Variants in SYCP2L observed in about 807,000 individuals in gnomAD.
SYCP2L encodes the protein synaptonemal complex protein 2 like.
A neutral mutation model predicts 125.8 loss-of-function variants in SYCP2L; 98 were observed. The ratio of observed to expected loss-of-function variants is 0.78; its 90% CI spans 0.66 to 0.92. The LOEUF is 0.92. Among genes scored for constraint, SYCP2L ranks in the 40% least tolerant of loss-of-function variants. The probability of loss-of-function intolerance (pLI) is 0.00; values close to 1 mark genes in which losing one functional copy is unlikely to be tolerated. For synonymous variants in SYCP2L, 317 were observed against 325.4 expected, an observed-to-expected ratio of 0.97 and a Z score of 0.28; for missense variants, 842 against 936.4, an observed-to-expected ratio of 0.90 and a Z score of 1.32.
chr6:10,923,257 ATTC>A (rs1252277909), intron 14 of SYCP2L, among the ~76,000 whole-genome samples: 1 of 151,380 alleles, frequency 6.6e-6, no homozygotes, highest in Non-Finnish European at 1.5e-5. Flanking sequence ...AATGTGGTGT[ATTC>A]TTGGCCTCTT....
At chr6:10,960,728 C>T (rs1421381733) in intron 26 of SYCP2L, among the ~76,000 whole-genome samples, 6 of 151,340 alleles carry the variant, frequency 4.0e-5, no homozygotes, top group Admixed American at 3.9e-4. Flanking sequence ...CTGGAGTCAT[C>T]TGTCCTTTTG....
At chr6:10,964,013 A>G (rs1781636481) in intron 29 of SYCP2L, among the ~76,000 whole-genome samples, 170 bp downstream of exon 29, 1 of 149,122 alleles carries the variant, frequency 6.7e-6, no homozygotes, top group South Asian at 2.1e-4. Flanking sequence ...GCTGGAGTGC[A>G]GTGGCATGAT....
chr6:10,924,754 C>T, intron 15 of SYCP2L, 113 bp downstream of exon 15: 2 of 1,031,960 alleles, frequency 1.9e-6, no homozygotes, highest in South Asian at 5.2e-5. Context: ...AAAACCTGGT[C>T]TTTCAAATGC....
intron 15 of SYCP2L, among the ~76,000 whole-genome samples, chr6:10,925,238 C>A (rs564993749): frequency 6.6e-6 from 1 of 152,246 alleles, no homozygotes; most frequent in South Asian, 2.1e-4. Flanking sequence ...TGGGAAAGAC[C>A]CATCCCCATG....
In SYCP2L at chr6:10,931,373, G is replaced by T. The variant is rs1010109099; in HGVS notation, c.1634-67G>T. 41 of 1,493,608 alleles carry T rather than the reference G, an allele frequency of 2.7e-5. 1 individual carries two copies. The East Asian group carries it at 8.8e-4, about 32-fold the overall frequency. The allele number at this position is 1,493,608 out of a possible 1,614,324, so 92.5% of individuals were successfully genotyped here. On this transcript the variant is annotated intron_variant, in intron 19 of 29. Transcript: ENST00000283141. The stretch of plus-strand genomic sequence containing the variant: ...TTTTAGTGTTAGCATATTGGGAGAC[G>T]GAGTAGAGAATTTTTATGCCTCATG...
At chr6:10,935,892 C>G (rs1781085344) in intron 21 of SYCP2L, among the ~76,000 whole-genome samples, 1 of 152,130 alleles carries the variant, frequency 6.6e-6, no homozygotes, top group African/African-American at 2.4e-5. Flanking sequence ...GCTGTCTTTC[C>G]ATAAAACTTT....
chr6:10,898,274 G>A (rs2113294441), intron 5 of SYCP2L, among the ~76,000 whole-genome samples, 159 bp downstream of exon 5: 2 of 152,274 alleles, frequency 1.3e-5, no homozygotes, highest in Middle Eastern at 6.8e-3. Context: ...CAGCACTTTG[G>A]GAGGCCGAGG....
chr6:10,918,695 C>T (rs1272701769), intron 14 of SYCP2L, among the ~76,000 whole-genome samples: 1 of 152,032 alleles, frequency 6.6e-6, no homozygotes, highest in Non-Finnish European at 1.5e-5. Flanking sequence ...TGCCACCATA[C>T]CCAGCTAATT....
chr6:10,916,930 T>C (rs1314380710), intron 14 of SYCP2L, among the ~76,000 whole-genome samples: 1 of 152,222 alleles, frequency 6.6e-6, no homozygotes, highest in Non-Finnish European at 1.5e-5. Context: ...AGGTGGAGGT[T>C]GCAGTGAACC....
chr6:10,894,092 A>AT lies in SYCP2L; in HGVS notation c.225dup (p.Lys76Ter). The AT allele has an allele frequency of 6.2e-7, 1 of 1,611,610 alleles. No homozygotes were observed. The highest frequency in any genetic ancestry group is 1.1e-5 in the South Asian group (1 of 89,988). On this transcript the variant is annotated frameshift_variant, in exon 4 of 30. Transcript: ENST00000283141. LOFTEE classifies it high-confidence loss of function. ...AGTGTGGTTTATACCTAGGAACTAG[A>AT]TAAAAATGAATTTCAGTCTGTGTCA...
chr6:10,930,228 T>A (rs1459104498), intron 18 of SYCP2L, 142 bp from the exon 19 acceptor site: 1 of 773,352 alleles, frequency 1.3e-6, no homozygotes, highest in African/African-American at 1.8e-5. Flanking sequence ...ACTCCATACT[T>A]CTTTGCTTTT....
intron 23 of SYCP2L, among the ~76,000 whole-genome samples, chr6:10,943,460 C>T (rs544821173): frequency 1.2e-4 from 18 of 151,932 alleles, no homozygotes; most frequent in African/African-American, 2.4e-4. Context: ...CCCATCCCAC[C>T]CCCTCCCCTT....
At chr6:10,903,018 T>A in intron 8 of SYCP2L, 55 bp downstream of exon 8, 1 of 1,424,080 alleles carries the variant, frequency 7.0e-7, no homozygotes, top group Non-Finnish European at 9.9e-7. Context: ...CTCTCATGAG[T>A]GTATGGCTTC....
Position 10,915,423 on chromosome 6 carries a change from C to T in SYCP2L, c.1072+2496C>T, listed in dbSNP as rs555095174. Among the ~76,000 whole-genome samples the T allele has an allele frequency of 1.8e-4, 28 of 152,284 alleles. No homozygotes were observed. The South Asian group carries it at 5.4e-3, about 29-fold the overall frequency. On this transcript the variant is annotated intron_variant, in intron 14 of 29. Transcript: ENST00000283141. ...CAGTTCTCAGATGGAATGCTTTCAA[C>T]TCTTCCCCATTCGGTATTATGTTGG...
At position 10,927,367 on chromosome 6, in the gene SYCP2L, CG is replaced by C; in HGVS notation, c.1440+1del. The C allele has an allele frequency of 6.2e-7, 1 of 1,607,180 alleles. No individual in the cohort carries two copies. The highest frequency in any genetic ancestry group is 8.5e-7 in the Non-Finnish European group (1 of 1,174,950). ...TTGGGGAACCTGCCTCTGATAGTCA[CG>C]TAGGTTCTTTTCTATTTTCCCTAAG... On this transcript the variant is annotated splice_donor_variant, in intron 17 of 29. Transcript: ENST00000283141. LOFTEE classifies it high-confidence loss of function.
At chr6:10,893,465 A>AC (rs1458116773) in intron 2 of SYCP2L, among the ~76,000 whole-genome samples, 1 of 152,168 alleles carries the variant, frequency 6.6e-6, no homozygotes, top group African/African-American at 2.4e-5. Flanking sequence ...CATAGGCTTG[A>AC]AATTTTTAGT....
chr6:10,947,943 T>TA (rs1199027168), intron 23 of SYCP2L, among the ~76,000 whole-genome samples: 2 of 152,154 alleles, frequency 1.3e-5, no homozygotes, highest in Non-Finnish European at 2.9e-5. Flanking sequence ...TCTGAGTTTT[T>TA]AAAAAATCAT....
At chr6:10,972,299 A>T (rs1343370590) in intron 29 of SYCP2L, among the ~76,000 whole-genome samples, 1 of 152,212 alleles carries the variant, frequency 6.6e-6, no homozygotes, top group Non-Finnish European at 1.5e-5. Flanking sequence ...AGAGGATATT[A>T]AAAAAAGACT....
intron 14 of SYCP2L, among the ~76,000 whole-genome samples, chr6:10,919,432 A>G (rs1050397186): frequency 3.3e-5 from 5 of 152,128 alleles, no homozygotes; most frequent in African/African-American, 7.2e-5. Flanking sequence ...TGAACTGTCT[A>G]TGGGTCTCTC....
Sources: gnomAD v4.1 joint callset for allele counts (sites outside exome capture counted in the v4.1 genomes callset) on GRCh38, gnomAD v4.1.1 for gene constraint, MANE v1.5 for transcripts, NCBI Gene and HGNC (gene_info 2026-07-23, HGNC 2026-07-21) for gene names.